Variants in LPIN3 observed in about 807,000 individuals in gnomAD.
LPIN3 encodes the protein lipin 3.
A neutral mutation model predicts 94.7 loss-of-function variants in LPIN3; 82 were observed. That is an observed-to-expected ratio of 0.87 (90% CI 0.72 to 1.04). LPIN3 has a LOEUF of 1.04. LPIN3 is among the 50% of genes least tolerant of loss of function. The pLI is 0.00. For synonymous variants in LPIN3, 418 were observed against 443.3 expected (o/e 0.94, Z 0.72); for missense variants, 996 against 1,090.5 (o/e 0.91, Z 1.22).
chr20:41,351,687 C>T, intron 7 of LPIN3, 134 bp from the exon 8 acceptor site: 1 of 703,488 alleles, frequency 1.4e-6, no homozygotes, highest in Non-Finnish European at 2.4e-6. Flanking sequence ...GCAGTGCAGA[C>T]ATGGGACATT....
rs769289260 is a variant in LPIN3, at chr20:41,357,940, A to G, written c.2098A>G (p.Lys700Glu). The change falls in exon 17 of 20, where the codon AAG (lysine) becomes GAG (glutamate). Residue 700 changes from lysine to glutamate, a missense_variant. Coordinates refer to ENST00000373257, the MANE Select transcript of LPIN3 (RefSeq NM_022896.3). ...ARAIGMADLT[K>E]GYLQWVSEGG... ...GGCCATTGGCATGGCGGACCTCACC[A>G]AGGGGTACCTGCAGTGGGTGAGCGA... is the stretch of plus-strand genomic sequence containing the variant. 80 of 1,613,894 alleles carry G rather than the reference A, an allele frequency of 5.0e-5. No individual in the cohort carries two copies. Among genetic ancestry groups the G allele is most frequent in the Non-Finnish European group, 6.8e-5 (80 of 1,179,988 alleles).
Position 41,348,656 on chromosome 20 carries a change from C to T in LPIN3, c.326C>T (p.Pro109Leu), listed in dbSNP as rs777896999. Reference protein sequence around the residue: ...VPPGLCTSPIPWGGLSGFPSD... With the variant: ...VPPGLCTSPILWGGLSGFPSD... ...CCCGGCCTGTGCACCTCACCCATCC[C>T]TTGGGGGGGTCTGTCTGGCTTCCCC... Residue 109 changes from proline (P) to leucine (L), a missense_variant, in exon 4 of 20, where the codon CCT (proline) becomes CTT (leucine). Coordinates refer to ENST00000373257, the MANE Select transcript of LPIN3 (RefSeq NM_022896.3). The T allele has an allele frequency of 3.1e-5, 50 of 1,613,516 alleles. No individual in the cohort carries two copies. The highest frequency in any genetic ancestry group is 4.2e-5 in the Non-Finnish European group (49 of 1,179,664).
rs1206218735 is a variant in LPIN3 at position 41,359,504 on chromosome 20, G to A, written c.*638G>A. 3 of 152,188 alleles carry A rather than the reference G, an allele frequency of 2.0e-5. No homozygotes were observed. The highest frequency in any genetic ancestry group is 2.9e-5 in the Non-Finnish European group (2 of 68,058). The allele number at this position is 152,188 out of a possible 1,614,324, so 9.4% of individuals were successfully genotyped here. ...AACCTGGGACCTTGCTGTAAGTCTT[G>A]ATAGGACAGGGAGAAGAGGGAGGCC... On this transcript the variant is annotated 3_prime_UTR_variant, in exon 20 of 20. Coordinates refer to ENST00000373257, the MANE Select transcript of LPIN3 (RefSeq NM_022896.3).
intron 1 of LPIN3, among the ~76,000 whole-genome samples, chr20:41,341,657 C>T (rs772881451): frequency 3.9e-5 from 6 of 152,222 alleles, no homozygotes; most frequent in Non-Finnish European, 7.3e-5. Context: ...AGTGGTGCCA[C>T]CATTGTGCAT....
intron 11 of LPIN3, among the ~76,000 whole-genome samples, chr20:41,353,491 G>C (rs1466009512): frequency 1.3e-5 from 2 of 152,244 alleles, no homozygotes; most frequent in African/African-American, 2.4e-5. Flanking sequence ...ATGGCAAGGG[G>C]GTTTGATAAG....
Position 41,359,112 on chromosome 20 carries a change from C to A in LPIN3, c.*246C>A. On this transcript the variant is annotated 3_prime_UTR_variant, in exon 20 of 20. Coordinates refer to ENST00000373257, the MANE Select transcript of LPIN3 (RefSeq NM_022896.3). ...GGGCAATTAGCTTGTCATCTGGGCC[C>A]TTGCAGGGTTCTTTTTTTTTTTTTT... 2.9e-6 allele frequency: 1 copy of A among 339,272 alleles called. No homozygotes were observed. Among genetic ancestry groups the A allele is most frequent in the Non-Finnish European group, 5.2e-6 (1 of 191,298 alleles). 21.0% of individuals were successfully genotyped at this position (339,272 alleles called of 1,614,324 possible).
intron 1 of LPIN3, among the ~76,000 whole-genome samples, chr20:41,343,148 A>G (rs978204039): frequency 6.6e-6 from 1 of 152,194 alleles, no homozygotes; most frequent in African/African-American, 2.4e-5. Flanking sequence ...CCCCCAGCAA[A>G]GAATTATCTG....
Position 41,357,018 on chromosome 20 carries a change from A to C in LPIN3, c.1804-22A>C, listed in dbSNP as rs757727512. On this transcript the variant is annotated intron_variant, in intron 14 of 19. Coordinates refer to ENST00000373257, the MANE Select transcript of LPIN3 (RefSeq NM_022896.3). ...GCCTGGCTGTCATCAATCACGACAC[A>C]CCCCCCTTTGTCTGGCCTCAGCGGC... is the stretch of plus-strand genomic sequence containing the variant. 4.4e-6 allele frequency: 7 copies of C among 1,604,850 alleles called. No homozygotes were observed. In the African/African-American group the frequency reaches 8.0e-5, roughly 18 times the overall value.
chr20:41,348,661 G>T lies in LPIN3; in HGVS notation c.331G>T (p.Gly111Trp), dbSNP rs746104657. The T allele has an allele frequency of 2.5e-6, 4 of 1,613,558 alleles. No homozygotes were observed. The highest frequency in any genetic ancestry group is 2.7e-5 in the African/African-American group (2 of 74,912). Residue 111 changes from glycine (G) to tryptophan (W), a missense_variant, in exon 4 of 20, where the codon GGG becomes TGG. Coordinates refer to ENST00000373257, the MANE Select transcript of LPIN3 (RefSeq NM_022896.3). ...CCTGTGCACCTCACCCATCCCTTGG[G>T]GGGGTCTGTCTGGCTTCCCCTCGGA... The part of the protein sequence containing the change: ...PGLCTSPIPW[G>W]GLSGFPSDSQ...
rs377061713 is a variant in LPIN3 at position 41,358,384 on chromosome 20, C to T, written c.2307+33C>T. On this transcript the variant is annotated intron_variant, in intron 18 of 19. Transcript: ENST00000373257. The stretch of plus-strand genomic sequence containing the variant: ...TGTCCCCTCCACTCTGCTGAGCCAC[C>T]TCTCCCCAGCTGCCTGCAGGCCTCC... 118 of 1,613,022 alleles carry T rather than the reference C, an allele frequency of 7.3e-5. 1 individual carries two copies. The highest frequency in any genetic ancestry group is 7.1e-4 in the South Asian group (65 of 91,052).
chr20:41,358,377 G>C (rs761810182), intron 18 of LPIN3, 26 bp downstream of exon 18: 32 of 1,613,312 alleles, frequency 2.0e-5, no homozygotes, highest in Non-Finnish European at 2.5e-5. Flanking sequence ...CCACTCTGCT[G>C]AGCCACCTCT....
At position 41,341,510 on chromosome 20, in the gene LPIN3, A is replaced by C. The variant is rs12624661; in HGVS notation, c.-9+508A>C. On this transcript the variant is annotated intron_variant, in intron 1 of 19. Coordinates refer to ENST00000373257, the MANE Select transcript of LPIN3 (RefSeq NM_022896.3). ...CATCCACCCAAACCTGGGAGCCCCG[A>C]GGGCTGAGAGCCTAGTCCTAGGGCA... 8.5e-4 allele frequency among the ~76,000 whole-genome samples: 130 copies of C among 152,152 alleles called. No homozygotes were observed. In the East Asian group the frequency reaches 0.023, roughly 27 times the overall value.
chr20:41,358,717 T>C lies in LPIN3; in HGVS notation c.2412-5T>C. 1.9e-6 allele frequency: 3 copies of C among 1,613,866 alleles called. No individual in the cohort carries two copies. Among genetic ancestry groups the C allele is most frequent in the Non-Finnish European group, 2.5e-6 (3 of 1,179,892 alleles). ...GGCTCAGTGCTGGCCCCCTTCTGCCTGTAGGTATGAGCGGCTTGGTGAAGT... is the reference window on the plus strand; with the variant it reads ...GGCTCAGTGCTGGCCCCCTTCTGCCCGTAGGTATGAGCGGCTTGGTGAAGT... On this transcript the variant is annotated splice_region_variant and splice_polypyrimidine_tract_variant and intron_variant, in intron 19 of 19. Transcript: ENST00000373257.
intron 1 of LPIN3, among the ~76,000 whole-genome samples, chr20:41,341,885 G>C (rs2045593707): frequency 6.6e-6 from 1 of 152,204 alleles, no homozygotes; most frequent in Non-Finnish European, 1.5e-5. Flanking sequence ...GCTGAGGCAG[G>C]AGAATTGCTT....
chr20:41,341,818 A>T (rs1432127114), intron 1 of LPIN3, among the ~76,000 whole-genome samples: 4 of 152,198 alleles, frequency 2.6e-5, no homozygotes, highest in Non-Finnish European at 5.9e-5. Flanking sequence ...TCCACTAAAA[A>T]TACAAAAAAT....
intron 1 of LPIN3, among the ~76,000 whole-genome samples, chr20:41,343,189 A>G (rs2045651248): frequency 4.6e-5 from 7 of 152,080 alleles, no homozygotes; most frequent in Admixed American, 4.6e-4. Context: ...TGAAGCTGAG[A>G]AACTGCACTA....
At position 41,357,022 on chromosome 20, in the gene LPIN3, C is replaced by T; in HGVS notation, c.1804-18C>T. ...GGCTGTCATCAATCACGACACACCCCCCTTTGTCTGGCCTCAGCGGCGCCT... is the reference window on the plus strand; with the variant it reads ...GGCTGTCATCAATCACGACACACCCTCCTTTGTCTGGCCTCAGCGGCGCCT... On this transcript the variant is annotated intron_variant, in intron 14 of 19. Transcript: ENST00000373257. The T allele has an allele frequency of 6.2e-7, 1 of 1,606,656 alleles. No individual in the cohort carries two copies. Among genetic ancestry groups the T allele is most frequent in the Non-Finnish European group, 8.5e-7 (1 of 1,173,994 alleles).
Position 41,355,952 on chromosome 20 carries a change from T to C in LPIN3, c.1721T>C (p.Leu574Pro). Residue 574 changes from leucine (L) to proline (P), a missense_variant, in exon 14 of 20, where the codon CTG (leucine) becomes CCG (proline). Physicochemically the swap from Leu to Pro is moderately conservative, Grantham distance 98. Transcript: ENST00000373257. Reference protein sequence around the residue: ...DDDAPDSPVILEIPSLPPSTP... With the variant: ...DDDAPDSPVIPEIPSLPPSTP... The stretch of plus-strand genomic sequence containing the variant: ...GATGCCCCAGACAGCCCTGTGATCC[T>C]GGAGATCCCCTCCTTGCCACCCTCC... 6.2e-7 allele frequency: 1 copy of C among 1,614,120 alleles called. No homozygotes were observed. The highest frequency in any genetic ancestry group is 8.5e-7 in the Non-Finnish European group (1 of 1,179,986).
intron 4 of LPIN3, 42 bp downstream of exon 4, chr20:41,348,929 C>T (rs751416142): frequency 6.3e-7 from 1 of 1,591,060 alleles, no homozygotes; most frequent in Non-Finnish European, 8.6e-7. Flanking sequence ...TTTGGGGGTT[C>T]AAGTGCTGTT....
Sources: gnomAD v4.1 joint callset for allele counts (sites outside exome capture counted in the v4.1 genomes callset) on GRCh38, gnomAD v4.1.1 for gene constraint, MANE v1.5 for transcripts, NCBI Gene and HGNC (gene_info 2026-07-23, HGNC 2026-07-21) for gene names.